IST1: variants seen among roughly 807,000 people sequenced by gnomAD.
IST1 encodes the protein IST1 homolog.
In IST1, 23 loss-of-function variants were observed where a neutral mutation model predicts 37.0. The observed-to-expected ratio is 0.62, with a 90% CI of 0.45 to 0.88. IST1 has a LOEUF of 0.88. Ranked by LOEUF, IST1 falls within the 40% of genes least tolerant of loss-of-function variation. The pLI, the probability that IST1 is intolerant of heterozygous loss-of-function variation, is 0.00. For missense variants in IST1, 488 were observed against 445.4 expected (o/e 1.10, Z -0.86); for synonymous variants, 180 against 161.7 (o/e 1.11, Z -0.86).
upstream of IST1, chr16:71,894,928 A>C: frequency 9.2e-7 from 1 of 1,084,216 alleles, no homozygotes; most frequent in Non-Finnish European, 1.4e-6. Context: ...TGTGGTGCTG[A>C]GGAAACACTA....
chr16:71,907,100 CT>C (rs2142542223), intron 1 of IST1, among the ~76,000 whole-genome samples: 1 of 151,526 alleles, frequency 6.6e-6, no homozygotes, highest in South Asian at 2.1e-4. Flanking sequence ...TGTATTTTGT[CT>C]GATTCAAGTT....
intron 1 of IST1, among the ~76,000 whole-genome samples, chr16:71,906,938 G>A (rs576812535): frequency 6.6e-6 from 1 of 152,220 alleles, no homozygotes; most frequent in African/African-American, 2.4e-5. Flanking sequence ...GCTGAGGCAG[G>A]GGAATCACTT....
rs1375826734 is a variant in IST1, at chr16:71,929,277, AT to A, written c.*1467del. 2 of 318,758 alleles carry A rather than the reference AT, an allele frequency of 6.3e-6. No individual in the cohort carries two copies. Among genetic ancestry groups the A allele is most frequent in the Admixed American group, 4.6e-5 (1 of 21,852 alleles). 19.7% of individuals were successfully genotyped at this position (318,758 alleles called of 1,614,324 possible). A position where few individuals can be genotyped will look rare whatever the true frequency, so the allele number is the denominator to read the frequency against. Reference sequence around the variant, plus strand: ...CAGTGAGCTCACTTCTGACTGCTTCATTTCCCGCAGCCATCCTGGGCCATGG... The same window carrying A: ...CAGTGAGCTCACTTCTGACTGCTTCATTCCCGCAGCCATCCTGGGCCATGG... On this transcript the variant is annotated 3_prime_UTR_variant, in exon 10 of 10. Coordinates refer to ENST00000378799, the MANE Select transcript of IST1 (RefSeq NM_001270975.2).
chr16:71,899,581 A>C (rs961451235), intron 1 of IST1, among the ~76,000 whole-genome samples: 1 of 152,038 alleles, frequency 6.6e-6, no homozygotes, highest in Non-Finnish European at 1.5e-5. Context: ...GAACAACAAC[A>C]AAAGAAACCT....
intron 1 of IST1, among the ~76,000 whole-genome samples, chr16:71,909,513 T>C (rs1364072065): frequency 6.6e-6 from 1 of 152,224 alleles, no homozygotes; most frequent in Non-Finnish European, 1.5e-5. Flanking sequence ...TGGTGGTGCG[T>C]GTCCAGGAAT....
At chr16:71,899,990 CTG>C (rs1222968673) in intron 1 of IST1, among the ~76,000 whole-genome samples, 3 of 117,830 alleles carry the variant, frequency 2.5e-5, no homozygotes, top group African/African-American at 2.9e-5. Flanking sequence ...GAACAAGACT[CTG>C]TCTCAAAAAA....
chr16:71,929,846 A>G lies in IST1; in HGVS notation c.*2033A>G. 1.0e-6 allele frequency: 1 copy of G among 957,130 alleles called. No individual in the cohort carries two copies. The highest frequency in any genetic ancestry group is 1.5e-6 in the Non-Finnish European group (1 of 660,268). The allele number at this position is 957,130 out of a possible 1,614,324, so 59.3% of individuals were successfully genotyped here. ...TGTTTCCACTAATGGTTGCGAGCCA[A>G]CTATTTATAGGACAATGGCTATAGA... On this transcript the variant is annotated 3_prime_UTR_variant, in exon 10 of 10. Coordinates refer to ENST00000378799, the MANE Select transcript of IST1 (RefSeq NM_001270975.2).
At chr16:71,923,661 C>T (rs1014115011) in intron 8 of IST1, among the ~76,000 whole-genome samples, 10 of 152,158 alleles carry the variant, frequency 6.6e-5, no homozygotes, top group African/African-American at 2.4e-4. Flanking sequence ...GGGCACTTAG[C>T]CAGTTGTTTT....
At chr16:71,927,270 G>A (rs1289315652) in intron 9 of IST1, among the ~76,000 whole-genome samples, 4 of 152,096 alleles carry the variant, frequency 2.6e-5, no homozygotes, top group Non-Finnish European at 5.9e-5. Context: ...AGGCTGAGGT[G>A]TGTGGATCAC....
chr16:71,897,002 C>T (rs1343876603), intron 1 of IST1, among the ~76,000 whole-genome samples: 1 of 151,606 alleles, frequency 6.6e-6, no homozygotes, highest in Non-Finnish European at 1.5e-5. Context: ...TAAAACACTT[C>T]CTCTTTTTTT....
At chr16:71,898,356 C>T (rs1434424302) in intron 1 of IST1, among the ~76,000 whole-genome samples, 1 of 133,204 alleles carries the variant, frequency 7.5e-6, no homozygotes, top group South Asian at 2.6e-4. Flanking sequence ...GTGACAGAGA[C>T]ACTCTCTCTC....
chr16:71,906,843 G>A (rs1040603523), intron 1 of IST1, among the ~76,000 whole-genome samples: 2 of 151,978 alleles, frequency 1.3e-5, no homozygotes, highest in Non-Finnish European at 2.9e-5. Flanking sequence ...GTAATGCATC[G>A]TTTTTCCCAG....
chr16:71,929,971 C>T lies in IST1; in HGVS notation c.*2158C>T. The T allele has an allele frequency of 7.1e-7, 1 of 1,405,224 alleles. No individual in the cohort carries two copies. Among genetic ancestry groups the T allele is most frequent in the Non-Finnish European group, 9.5e-7 (1 of 1,050,230 alleles). The allele number at this position is 1,405,224 out of a possible 1,614,324, so 87.0% of individuals were successfully genotyped here. A position where few individuals can be genotyped will look rare whatever the true frequency, so the allele number is the denominator to read the frequency against. On this transcript the variant is annotated 3_prime_UTR_variant, in exon 10 of 10. Transcript: ENST00000378799. ...TGATACTGTGCATTATAAATTATGTCAGCCCGTCATCTTAGGGGCAGTTAC... is the reference window on the plus strand; with the variant it reads ...TGATACTGTGCATTATAAATTATGTTAGCCCGTCATCTTAGGGGCAGTTAC...
intron 8 of IST1, 81 bp from the exon 9 acceptor site, chr16:71,924,688 T>G: frequency 9.0e-7 from 1 of 1,112,058 alleles, no homozygotes; most frequent in Non-Finnish European, 1.4e-6. Flanking sequence ...AACTTAACTT[T>G]TGGAAACACA....
chr16:71,922,351 G>T, intron 6 of IST1, 123 bp from the exon 7 acceptor site: 4 of 777,162 alleles, frequency 5.1e-6, no homozygotes, highest in Non-Finnish European at 8.8e-6. Context: ...TTCCCCCACA[G>T]GTGTTGATCC....
At chr16:71,897,552 A>G (rs929825297) in intron 1 of IST1, among the ~76,000 whole-genome samples, 1 of 152,214 alleles carries the variant, frequency 6.6e-6, no homozygotes, top group African/African-American at 2.4e-5. Flanking sequence ...ATAGTTAGTC[A>G]TTCCAAATAC....
intron 1 of IST1, among the ~76,000 whole-genome samples, chr16:71,912,528 C>T (rs575782409): frequency 4.4e-4 from 67 of 152,314 alleles, no homozygotes; most frequent in African/African-American, 1.2e-3. Flanking sequence ...TGAGCCACCG[C>T]GCCCGGCCTA....
Position 71,931,009 on chromosome 16 carries a change from A to G in IST1, c.*3196A>G, listed in dbSNP as rs1020553460. The G allele has an allele frequency of 3.3e-5, 5 of 152,352 alleles. No homozygotes were observed. In the South Asian group the frequency reaches 6.2e-4, roughly 19 times the overall value. The allele number at this position is 152,352 out of a possible 1,614,324, so 9.4% of individuals were successfully genotyped here. ...TTCAGGTCAACCAGATAATGTGGGC[A>G]ATCTCTGAGTTTGTGATACAAGACT... On this transcript the variant is annotated 3_prime_UTR_variant, in exon 10 of 10. Transcript: ENST00000378799.
chr16:71,904,460 T>G (rs998459971), intron 1 of IST1, among the ~76,000 whole-genome samples: 2 of 152,238 alleles, frequency 1.3e-5, no homozygotes, highest in African/African-American at 4.8e-5. Context: ...TTGCCCAGTC[T>G]GGAGTGCACT....
Sources: gnomAD v4.1 joint callset for allele counts (sites outside exome capture counted in the v4.1 genomes callset) on GRCh38, gnomAD v4.1.1 for gene constraint, MANE v1.5 for transcripts, NCBI Gene and HGNC (gene_info 2026-07-23, HGNC 2026-07-21) for gene names.